Variants in HEMK2 observed in about 807,000 individuals in gnomAD.
HEMK2 encodes the protein methyltransferase HEMK2.
chr21:28,692,746 C>T, the HEMK2 span, among the ~76,000 whole-genome samples: 2 of 152,010 alleles, frequency 1.3e-5, no homozygotes, highest in Admixed American at 1.3e-4. Context: ...CCAAAAAGTT[C>T]AAATCACCTT....
At chr21:28,716,200 A>T in the HEMK2 span, among the ~76,000 whole-genome samples, 1 of 152,170 alleles carries the variant, frequency 6.6e-6, no homozygotes, top group East Asian at 1.9e-4. Flanking sequence ...TAGGAATAGC[A>T]CTGAATCTGT....
At chr21:28,877,034 A>AGGAAGGAG in the HEMK2 span, among the ~76,000 whole-genome samples, 1 of 21,802 alleles carries the variant, frequency 4.6e-5, no homozygotes, top group African/African-American at 2.1e-4. Flanking sequence ...GAAGGAAGGA[A>AGGAAGGAG]GGAGGGAGGG....
chr21:28,822,705 G>A, the HEMK2 span, among the ~76,000 whole-genome samples: 1 of 152,020 alleles, frequency 6.6e-6, no homozygotes, highest in African/African-American at 2.4e-5. Context: ...ATTACTGAAG[G>A]TTATATTTAA....
chr21:28,769,041 ATT>A, the HEMK2 span, among the ~76,000 whole-genome samples: 1 of 152,026 alleles, frequency 6.6e-6, no homozygotes, highest in East Asian at 1.9e-4. Flanking sequence ...GAAAAAATAA[ATT>A]TGTGTTGTTT....
chr21:28,723,180 T>A, the HEMK2 span, among the ~76,000 whole-genome samples: 1 of 149,384 alleles, frequency 6.7e-6, no homozygotes, highest in Non-Finnish European at 1.5e-5. Context: ...CAGCTAATTT[T>A]TTTTTATTTT....
the HEMK2 span, among the ~76,000 whole-genome samples, chr21:28,768,981 G>C: frequency 2.0e-5 from 3 of 151,924 alleles, no homozygotes; most frequent in Admixed American, 6.6e-5. Flanking sequence ...CCTCAGGAGA[G>C]AGCTAACCAG....
At chr21:28,651,758 G>C in the HEMK2 span, among the ~76,000 whole-genome samples, 3 of 152,100 alleles carry the variant, frequency 2.0e-5, no homozygotes, top group African/African-American at 7.2e-5. Flanking sequence ...CAGAGAAATA[G>C]AAAATAAAGT....
the HEMK2 span, among the ~76,000 whole-genome samples, chr21:28,783,442 C>T: frequency 6.6e-6 from 1 of 152,200 alleles, no homozygotes; most frequent in Non-Finnish European, 1.5e-5. Flanking sequence ...ACCTCGGCCT[C>T]CCAAAGTGCT....
the HEMK2 span, among the ~76,000 whole-genome samples, chr21:28,844,765 C>T: frequency 2.1e-5 from 3 of 143,898 alleles, no homozygotes; most frequent in African/African-American, 8.2e-5. Context: ...TAAAATTACA[C>T]TTTCTTTTAC....
chr21:28,669,307 C>T, the HEMK2 span, among the ~76,000 whole-genome samples: 10 of 151,604 alleles, frequency 6.6e-5, no homozygotes, highest in East Asian at 9.7e-4. Flanking sequence ...TGCAGTGAGC[C>T]GAGATCACAC....
At chr21:28,739,252 A>C in the HEMK2 span, among the ~76,000 whole-genome samples, 1 of 152,204 alleles carries the variant, frequency 6.6e-6, no homozygotes, top group Admixed American at 6.5e-5. Context: ...ACAGATCAAG[A>C]ACACAGGTCT....
the HEMK2 span, among the ~76,000 whole-genome samples, chr21:28,795,399 A>C: frequency 1.2e-4 from 17 of 147,752 alleles, no homozygotes; most frequent in East Asian, 3.1e-3. Context: ...AAGGACCTCA[A>C]AAAAAAAATC....
At chr21:28,576,301 G>T in the HEMK2 span, among the ~76,000 whole-genome samples, 1 of 152,028 alleles carries the variant, frequency 6.6e-6, no homozygotes, top group Admixed American at 6.6e-5. Flanking sequence ...CTATCTCATT[G>T]CAGTCTTCAG....
chr21:28,764,035 C>T, the HEMK2 span, among the ~76,000 whole-genome samples: 1 of 152,220 alleles, frequency 6.6e-6, no homozygotes, highest in East Asian at 1.9e-4. Flanking sequence ...CTCAGCTGTA[C>T]ACAGCAGTGA....
the HEMK2 span, among the ~76,000 whole-genome samples, chr21:28,703,969 A>C: frequency 6.6e-6 from 1 of 152,164 alleles, no homozygotes; most frequent in African/African-American, 2.4e-5. Context: ...AGCTTACTTG[A>C]CTATGGTTAA....
the HEMK2 span, among the ~76,000 whole-genome samples, chr21:28,737,379 C>T: frequency 6.6e-6 from 1 of 152,174 alleles, no homozygotes; most frequent in Non-Finnish European, 1.5e-5. Context: ...CCCACCTCAG[C>T]CTCCCAAAGT....
At chr21:28,877,259 G>GGGAAGGAAGGAAGGGAGGAAGGAAGGAA in the HEMK2 span, among the ~76,000 whole-genome samples, 1 of 76,186 alleles carries the variant, frequency 1.3e-5, no homozygotes, top group Admixed American at 1.5e-4. Context: ...GGGAAGAGAA[G>GGGAAGGAAGGAAGGGAGGAAGGAAGGAA]GGAAGGAAGG....
chr21:28,728,634 T>C, the HEMK2 span, among the ~76,000 whole-genome samples: 1 of 152,328 alleles, frequency 6.6e-6, no homozygotes, highest in East Asian at 1.9e-4. Flanking sequence ...CCAAATGTCA[T>C]GGGCCAGCTT....
the HEMK2 span, chr21:28,873,168 G>A: frequency 1.3e-5 from 2 of 152,114 alleles, no homozygotes; most frequent in East Asian, 3.8e-4. Flanking sequence ...AGAAGAGGTG[G>A]TAAAGTCTTC....
Sources: allele counts gnomAD v4.1 joint callset (sites outside exome capture counted in the v4.1 genomes callset), GRCh38; gene constraint gnomAD v4.1.1; transcripts MANE v1.5; gene names NCBI Gene and HGNC (gene_info 2026-07-23, HGNC 2026-07-21).